The following DYNC1I2 variants were observed in gnomAD, a reference collection of about 807,000 sequenced individuals.
DYNC1I2 encodes cytoplasmic dynein 1 intermediate chain 2.
DYNC1I2 carries 53 observed loss-of-function variants against 88.6 expected under a neutral mutation model. That is an observed-to-expected ratio of 0.60 (90% CI 0.48 to 0.75). The LOEUF is 0.75. DYNC1I2 is among the 30% of genes least tolerant of loss of function. The pLI is 0.00. For synonymous variants in DYNC1I2, 198 were observed against 254.6 expected (o/e 0.78, Z 2.12); for missense variants, 458 against 766.6 (o/e 0.60, Z 4.75).
chr2:171,720,355 A>T (rs1349314913), intron 7 of DYNC1I2, among the ~76,000 whole-genome samples: 1 of 152,206 alleles, frequency 6.6e-6, no homozygotes, highest in East Asian at 1.9e-4. Flanking sequence ...GAATATTAAT[A>T]TATGTGATTA....
intron 15 of DYNC1I2, among the ~76,000 whole-genome samples, chr2:171,739,568 G>A (rs6710698): frequency 6.6e-6 from 1 of 151,430 alleles, no homozygotes; most frequent in Non-Finnish European, 1.5e-5. Context: ...ATTATTAAAT[G>A]CCCCAAAATG....
At chr2:171,725,786 A>G (rs1444008341) in intron 8 of DYNC1I2, 73 bp downstream of exon 8, 6 of 1,275,300 alleles carry the variant, frequency 4.7e-6, no homozygotes, top group African/African-American at 3.1e-5. Context: ...GTATTAAAGT[A>G]GGATGAAATG....
At chr2:171,691,595 CATTA>C in intron 2 of DYNC1I2, among the ~76,000 whole-genome samples, 1 of 152,218 alleles carries the variant, frequency 6.6e-6, no homozygotes, top group Non-Finnish European at 1.5e-5. Flanking sequence ...TTCTGTGAGA[CATTA>C]TAAGAGGATT....
intron 3 of DYNC1I2, among the ~76,000 whole-genome samples, chr2:171,697,592 G>A (rs1044433380): frequency 1.3e-5 from 2 of 151,384 alleles, no homozygotes; most frequent in African/African-American, 2.4e-5. Context: ...AAGGAAGAAC[G>A]AAGAAAGATA....
At chr2:171,710,610 C>T (rs76168787) in intron 5 of DYNC1I2, among the ~76,000 whole-genome samples, 9,572 of 151,912 alleles carry the variant, frequency 0.063, 405 homozygotes, top group Non-Finnish European at 0.094. Context: ...TCTAACTTTG[C>T]AGATTAGGAA....
intron 15 of DYNC1I2, among the ~76,000 whole-genome samples, chr2:171,739,704 T>C (rs1246073395): frequency 1.6e-5 from 2 of 126,442 alleles, no homozygotes; most frequent in African/African-American, 6.0e-5. Context: ...CTCTTTTTTT[T>C]TTTTTTTTTT....
At chr2:171,741,130 G>A (rs1024178704) in intron 15 of DYNC1I2, among the ~76,000 whole-genome samples, 1 of 152,076 alleles carries the variant, frequency 6.6e-6, no homozygotes, top group Admixed American at 6.5e-5. Flanking sequence ...GATACTTCTT[G>A]TATCAATGTA....
intron 7 of DYNC1I2, 40 bp from the exon 8 acceptor site, chr2:171,725,578 G>GT (rs749337037): frequency 1.4e-5 from 16 of 1,152,758 alleles, no homozygotes; most frequent in South Asian, 5.1e-5. Flanking sequence ...ATATCATTCT[G>GT]TTTTTTTGTT....
intron 15 of DYNC1I2, among the ~76,000 whole-genome samples, chr2:171,740,031 T>G (rs1167845659): frequency 6.6e-6 from 1 of 152,108 alleles, no homozygotes; most frequent in African/African-American, 2.4e-5. Context: ...ACCTTTTAAG[T>G]TCCTCTTTAA....
intron 7 of DYNC1I2, among the ~76,000 whole-genome samples, chr2:171,721,121 TAAAAAAAA>T (rs1170082849): frequency 1.6e-5 from 1 of 60,784 alleles, no homozygotes; most frequent in South Asian, 6.8e-4. Flanking sequence ...CCCCATCTCT[TAAAAAAAA>T]AAAAAAAAAA....
chr2:171,715,370 C>T lies in DYNC1I2; in HGVS notation c.438C>T (p.Val146=), dbSNP rs1406198121. The T allele has an allele frequency of 6.4e-6, 10 of 1,567,020 alleles. No homozygotes were observed. Among genetic ancestry groups the T allele is most frequent in the South Asian group, 4.7e-5 (4 of 85,004 alleles). ...TTGGAATGGCTAAAATCACGCAAGT[C>T]GACTTTCCTCCTCGAGAAATTGTCA... ...IKLGMAKITQ[V]DFPPREIVTY... is the part of the protein sequence containing the mutation. Residue 146 remains valine, a synonymous_variant, in exon 7 of 18, where the codon GTC becomes GTT. Transcript: ENST00000397119.
chr2:171,743,917 C>G, intron 15 of DYNC1I2, 132 bp from the exon 16 acceptor site: 1 of 794,334 alleles, frequency 1.3e-6, no homozygotes, highest in Non-Finnish European at 1.8e-6. Flanking sequence ...GGAACTTTTT[C>G]TAGGCTGAGT....
chr2:171,740,505 G>A (rs949357436), intron 15 of DYNC1I2, among the ~76,000 whole-genome samples: 3 of 152,154 alleles, frequency 2.0e-5, no homozygotes, highest in African/African-American at 7.2e-5. Context: ...TCCTACTTGC[G>A]ATTTGGTCTT....
chr2:171,733,259 C>T (rs930959333), intron 15 of DYNC1I2, among the ~76,000 whole-genome samples: 1 of 152,068 alleles, frequency 6.6e-6, no homozygotes, highest in Non-Finnish European at 1.5e-5. Flanking sequence ...GGCATTTAGG[C>T]TGATTCCATG....
Position 171,728,853 on chromosome 2 carries a change from A to G in DYNC1I2, c.1391+3A>G. 6.2e-7 allele frequency: 1 copy of G among 1,602,982 alleles called. No individual in the cohort carries two copies. Among genetic ancestry groups the G allele is most frequent in the Non-Finnish European group, 8.5e-7 (1 of 1,176,192 alleles). On this transcript the variant is annotated splice_donor_region_variant and intron_variant, in intron 14 of 17. Transcript: ENST00000397119. Reference sequence around the variant, plus strand: ...TACACAGCATGCCGCCATGGCAGGTAAACCTAAACTGGAATTTGCAATAAT... The same window carrying G: ...TACACAGCATGCCGCCATGGCAGGTGAACCTAAACTGGAATTTGCAATAAT...
At chr2:171,741,149 T>G (rs1410079678) in intron 15 of DYNC1I2, among the ~76,000 whole-genome samples, 1 of 152,236 alleles carries the variant, frequency 6.6e-6, no homozygotes, top group Non-Finnish European at 1.5e-5. Flanking sequence ...TATTGTTCCT[T>G]TTATAGCTGA....
intron 15 of DYNC1I2, among the ~76,000 whole-genome samples, chr2:171,743,538 G>A (rs550091348): frequency 1.3e-5 from 2 of 152,160 alleles, no homozygotes; most frequent in Non-Finnish European, 2.9e-5. Context: ...AGAAGTTCTC[G>A]TGCCTTCCTT....
chr2:171,727,345 T>C (rs188997625), intron 11 of DYNC1I2, among the ~76,000 whole-genome samples: 5 of 152,280 alleles, frequency 3.3e-5, no homozygotes, highest in African/African-American at 9.6e-5. Context: ...ATGGTTGAAG[T>C]AGAAAACAGA....
chr2:171,734,373 G>A (rs1329341637), intron 15 of DYNC1I2, among the ~76,000 whole-genome samples: 1 of 152,154 alleles, frequency 6.6e-6, no homozygotes. Flanking sequence ...AGCTAGTTGA[G>A]GGGCGGTTGA....
Sources: gnomAD v4.1 joint callset for allele counts (sites outside exome capture counted in the v4.1 genomes callset) on GRCh38, gnomAD v4.1.1 for gene constraint, MANE v1.5 for transcripts, NCBI Gene and HGNC (gene_info 2026-07-23, HGNC 2026-07-21) for gene names.